Variants in SPTBN5 observed in about 807,000 individuals in gnomAD.
The protein encoded by SPTBN5 is spectrin beta, non-erythrocytic 5, also known as spectrin beta chain, non-erythrocytic 5.
A neutral mutation model predicts 477.6 loss-of-function variants in SPTBN5; 513 were observed. The observed-to-expected ratio is 1.07, with a 90% CI of 1.00 to 1.16. The LOEUF (loss-of-function observed/expected upper bound fraction) is 1.16, where lower values mean the gene tolerates loss of function less well. Among genes scored for constraint, SPTBN5 ranks in the 50% most tolerant of loss-of-function variants. The pLI is 0.00. For missense variants in SPTBN5, 5,062 were observed against 4,731.8 expected, an observed-to-expected ratio of 1.07 and a Z score of -2.05; for synonymous variants, 2,169 against 2,011.7, an observed-to-expected ratio of 1.08 and a Z score of -2.09.
intron 67 of SPTBN5, among the ~76,000 whole-genome samples, chr15:41,849,049 T>G (rs1017392904): frequency 6.6e-6 from 1 of 152,216 alleles, no homozygotes; most frequent in African/African-American, 2.4e-5. Context: ...CCTCATGGTA[T>G]GAGCCCTCCA....
At chr15:41,872,979 T>G (rs562136293) in intron 26 of SPTBN5, among the ~76,000 whole-genome samples, 1 of 152,310 alleles carries the variant, frequency 6.6e-6, no homozygotes, top group Non-Finnish European at 1.5e-5. Flanking sequence ...TGCCGTGGGC[T>G]CCAGGCTTTG....
chr15:41,887,806 C>T (rs909642178), intron 5 of SPTBN5, 122 bp downstream of exon 5: 10 of 1,036,408 alleles, frequency 9.6e-6, no homozygotes, highest in African/African-American at 1.6e-5. Context: ...GCCCTTTCTA[C>T]ATCTGTGTCC....
rs1417635768 is a variant in SPTBN5 at position 41,866,499 on chromosome 15, G to C, written c.6481-6C>G. 1.3e-6 allele frequency: 2 copies of C among 1,554,246 alleles called. No homozygotes were observed. Among genetic ancestry groups the C allele is most frequent in the Middle Eastern group, 1.7e-4 (1 of 5,796 alleles). ...GCCTGGATCCAGTCCTCAGCCTGGT[G>C]GGGGTGGGACATGAATGCTGCAATG... On this transcript the variant is annotated splice_region_variant and splice_polypyrimidine_tract_variant and intron_variant, in intron 36 of 67. Transcript: ENST00000320955.
intron 17 of SPTBN5, among the ~76,000 whole-genome samples, chr15:41,878,018 C>T (rs946079102): frequency 5.3e-5 from 8 of 152,130 alleles, no homozygotes; most frequent in Non-Finnish European, 8.8e-5. Context: ...GTTACCAGGA[C>T]GGCAGGGGGG....
intron 39 of SPTBN5, among the ~76,000 whole-genome samples, chr15:41,864,806 T>C (rs1595464941): frequency 6.6e-6 from 1 of 152,264 alleles, no homozygotes; most frequent in South Asian, 2.1e-4. Context: ...CACCGCAGGG[T>C]GTGATTGCAG....
Position 41,852,297 on chromosome 15 carries a change from A to G in SPTBN5, c.10469T>C (p.Leu3490Pro), listed in dbSNP as rs2065790604. The G allele has an allele frequency of 6.3e-7, 1 of 1,594,238 alleles. No individual in the cohort carries two copies. Among genetic ancestry groups the G allele is most frequent in the African/African-American group, 1.3e-5 (1 of 74,656 alleles). ...QKTEMEQELL[L>P]QPQELKPGRA... The stretch of plus-strand genomic sequence containing the variant: ...CCCGGGCTTCAGCTCCTGTGGCTGC[A>G]GCAGGAGCTCCTGTTCCATCTTGGG... Residue 3490 changes from leucine (L) to proline (P), a missense_variant, in exon 62 of 68, where the codon CTG (leucine) becomes CCG (proline). By Grantham distance (98) the Leu-to-Pro change is moderately conservative. Coordinates refer to ENST00000320955, the MANE Select transcript of SPTBN5 (RefSeq NM_016642.4).
rs373991113 is a variant in SPTBN5, at chr15:41,877,275, C to T, written c.3552G>A (p.Arg1184=). ...GCTCCTGGCCCTGCTGCCCCAGGAC[C>T]CTCAGAGTGTTGGGCACCTCTTGGG... ...PDSQEVPNTL[R]VLGQQGQELK... is the part of the protein sequence containing the mutation. Residue 1184 remains arginine (R), a synonymous_variant, in exon 18 of 68, where the codon AGG becomes AGA. Coordinates refer to ENST00000320955, the MANE Select transcript of SPTBN5 (RefSeq NM_016642.4). The T allele has an allele frequency of 9.3e-6, 15 of 1,613,706 alleles. No individual in the cohort carries two copies. The highest frequency in any genetic ancestry group is 1.3e-5 in the Non-Finnish European group (15 of 1,179,852).
In SPTBN5 at chr15:41,879,381, G is replaced by A. The variant is rs777240533; in HGVS notation, c.3061C>T (p.Leu1021Phe). 1.9e-6 allele frequency: 3 copies of A among 1,610,674 alleles called. No homozygotes were observed. The highest frequency in any genetic ancestry group is 1.1e-5 in the South Asian group (1 of 91,054). ...PTQVQLRDVL[L>F]QLEALQPGSS... ...CCTGGCTGCAGGGCCTCCAGCTGGA[G>A]GAGCACGTCTCGCAGCTGGACCTGT... The change falls in exon 16 of 68, where the codon CTC (leucine) becomes TTC (phenylalanine). Residue 1021 changes from leucine to phenylalanine, a missense_variant. Physicochemically the swap from Leu to Phe is conservative, Grantham distance 22. Transcript: ENST00000320955.
Position 41,875,038 on chromosome 15 carries a change from C to G in SPTBN5, c.4306G>C (p.Glu1436Gln), listed in dbSNP as rs2066678326. ...RQLQDAKEQL[E>Q]QLEGALQSSE... is the part of the protein sequence containing the mutation. The stretch of plus-strand genomic sequence containing the variant: ...CTCTGTAGGGCCCCTTCGAGCTGCT[C>G]CAGCTGCTCCTTTGCATCCTGGGAG... The change falls in exon 23 of 68, where the codon GAG becomes CAG. Residue 1436 changes from glutamate to glutamine, a missense_variant. Glu to Gln is a conservative substitution (Grantham distance 29). Transcript: ENST00000320955. 6.2e-7 allele frequency: 1 copy of G among 1,612,162 alleles called. No individual in the cohort carries two copies. Among genetic ancestry groups the G allele is most frequent in the African/African-American group, 1.3e-5 (1 of 75,036 alleles).
chr15:41,855,272 C>T lies in SPTBN5; in HGVS notation c.9375G>A (p.Ala3125=), dbSNP rs374155015. The part of the protein sequence containing the change: ...LLLDAWLTTK[A]ATAESQDYGQ... ...CGTAGTCCTGGGACTCGGCGGTGGC[C>T]GCCTTGGTGGTCAGCCAGGCGTCGA... The change falls in exon 55 of 68, where the codon GCG becomes GCA. Residue 3125 remains alanine (A), a synonymous_variant. Coordinates refer to ENST00000320955, the MANE Select transcript of SPTBN5 (RefSeq NM_016642.4). The T allele has an allele frequency of 2.5e-4, 410 of 1,612,490 alleles. 1 individual carries two copies. The highest frequency in any genetic ancestry group is 1.2e-3 in the East Asian group (54 of 44,854).
chr15:41,871,399 A>G lies in SPTBN5; in HGVS notation c.5423T>C (p.Val1808Ala), dbSNP rs779870247. The G allele has an allele frequency of 2.0e-6, 3 of 1,478,040 alleles. No individual in the cohort carries two copies. The highest frequency in any genetic ancestry group is 2.9e-5 in the African/African-American group (2 of 69,460). 91.6% of individuals were successfully genotyped at this position (1,478,040 alleles called of 1,614,324 possible). A position where few individuals can be genotyped will look rare whatever the true frequency, so the allele number is the denominator to read the frequency against. Reference protein sequence around the residue: ...LERGHSAGPMVRQRQQDLQTA... With the variant: ...LERGHSAGPMARQRQQDLQTA... ...CTGCAGATCCTGCTGCCTCTGACGG[A>G]CCATGGGGCCAGCACTGTGCCCACG... The change falls in exon 29 of 68, where the codon GTC becomes GCC. Residue 1808 changes from valine (V) to alanine (A), a missense_variant. Transcript: ENST00000320955.
At chr15:41,862,382 C>G (rs139730035) in intron 43 of SPTBN5, 90 bp from the exon 44 acceptor site, 2 of 1,524,092 alleles carry the variant, frequency 1.3e-6, no homozygotes, top group Non-Finnish European at 1.8e-6. Flanking sequence ...ATCCCCTCAA[C>G]CACAGGAGGG....
chr15:41,851,853 G>A lies in SPTBN5; in HGVS notation c.10585-3C>T. 6.2e-7 allele frequency: 1 copy of A among 1,608,078 alleles called. No individual in the cohort carries two copies. The highest frequency in any genetic ancestry group is 1.1e-5 in the South Asian group (1 of 90,654). On this transcript the variant is annotated splice_region_variant and splice_polypyrimidine_tract_variant and intron_variant, in intron 62 of 67. Coordinates refer to ENST00000320955, the MANE Select transcript of SPTBN5 (RefSeq NM_016642.4). ...ATGGTGGGGGTACCCTTTGCATCCT[G>A]AAAATGCAAGATGGGGCCCAGAAAT...
rs1427834525 is a variant in SPTBN5, at chr15:41,867,100, C to A, written c.6339G>T (p.Lys2113Asn). 6.5e-7 allele frequency: 1 copy of A among 1,541,176 alleles called. No homozygotes were observed. Among genetic ancestry groups the A allele is most frequent in the African/African-American group, 1.4e-5 (1 of 73,102 alleles). Residue 2113 changes from lysine (K) to asparagine (N), a missense_variant, in exon 36 of 68, where the codon AAG becomes AAT. Physicochemically the swap from Lys to Asn is moderately conservative, Grantham distance 94. Coordinates refer to ENST00000320955, the MANE Select transcript of SPTBN5 (RefSeq NM_016642.4). Reference sequence around the variant, plus strand: ...CCCGCACCCGGGGGCGCCGGAGCGTCTTCAGCCGCTCACGCAGGGCTGCCT... The same window carrying A: ...CCCGCACCCGGGGGCGCCGGAGCGTATTCAGCCGCTCACGCAGGGCTGCCT... The part of the protein sequence containing the change: ...KKEAALRERL[K>N]TLRRPRVRDR...
Position 41,875,571 on chromosome 15 carries a change from T to A in SPTBN5, c.4174A>T (p.Thr1392Ser). Residue 1392 changes from threonine (T) to serine (S), a missense_variant, in exon 22 of 68, where the codon ACC becomes TCC. Transcript: ENST00000320955. ...TTGCTTCTCAGGCCTTGAAGCCTGGTCTGTATGTCCTCCTGGCCACAGGGC... is the reference window on the plus strand; with the variant it reads ...TTGCTTCTCAGGCCTTGAAGCCTGGACTGTATGTCCTCCTGGCCACAGGGC... Reference protein sequence around the residue: ...RRPCGQEDIQTRLQGLRSKWE... With the variant: ...RRPCGQEDIQSRLQGLRSKWE... 1.2e-6 allele frequency: 2 copies of A among 1,607,690 alleles called. No homozygotes were observed. Among genetic ancestry groups the A allele is most frequent in the Non-Finnish European group, 1.7e-6 (2 of 1,177,174 alleles).
In SPTBN5 at chr15:41,862,282, G is replaced by A. The variant is rs780677841; in HGVS notation, c.7396C>T (p.Leu2466=). Reference sequence around the variant, plus strand: ...TTCTGAGCTTGGTGCAAGGCATCCAGCGCCTCCCTCCTGCCCACAGCGCTC... The same window carrying A: ...TTCTGAGCTTGGTGCAAGGCATCCAACGCCTCCCTCCTGCCCACAGCGCTC... The part of the protein sequence containing the change: ...RSRAQKRREA[L]DALHQAQKLQ... The change falls in exon 44 of 68, where the codon CTG becomes TTG. Residue 2466 remains leucine, a synonymous_variant. Coordinates refer to ENST00000320955, the MANE Select transcript of SPTBN5 (RefSeq NM_016642.4). 2.5e-6 allele frequency: 4 copies of A among 1,602,948 alleles called. No homozygotes were observed. The highest frequency in any genetic ancestry group is 3.4e-5 in the Admixed American group (2 of 59,296).
intron 67 of SPTBN5, among the ~76,000 whole-genome samples, chr15:41,849,546 G>T (rs770171809): frequency 6.6e-6 from 1 of 152,182 alleles, no homozygotes; most frequent in Non-Finnish European, 1.5e-5. Flanking sequence ...ACTGGGCAGA[G>T]GGAAACCTGG....
rs762544694 is a variant in SPTBN5, at chr15:41,868,472, G to A, written c.5983C>T (p.Arg1995Trp). 32 of 1,611,034 alleles carry A rather than the reference G, an allele frequency of 2.0e-5. No individual in the cohort carries two copies. Among genetic ancestry groups the A allele is most frequent in the South Asian group, 1.4e-4 (13 of 91,050 alleles). ...GTGGCCTGCTGCCACAGCTTCTCCC[G>A]GGCCTCCAGCTCCGCCCGGAGCCAC... is the stretch of plus-strand genomic sequence containing the variant. Reference protein sequence around the residue: ...HQWLRAELEAREKLWQQATQL... With the variant: ...HQWLRAELEAWEKLWQQATQL... Residue 1995 changes from arginine (R) to tryptophan (W), a missense_variant, in exon 33 of 68, where the codon CGG becomes TGG. Transcript: ENST00000320955.
chr15:41,871,762 G>C lies in SPTBN5; in HGVS notation c.5301+20C>G, dbSNP rs1436197232. On this transcript the variant is annotated intron_variant, in intron 28 of 67. Transcript: ENST00000320955. Reference sequence around the variant, plus strand: ...GGCTCTGCCTCAGGGCACCCTCCTTGACCCTGGCCCTCTTCTCACCAGGGC... The same window carrying C: ...GGCTCTGCCTCAGGGCACCCTCCTTCACCCTGGCCCTCTTCTCACCAGGGC... The C allele has an allele frequency of 4.5e-6, 7 of 1,546,596 alleles. No individual in the cohort carries two copies. The highest frequency in any genetic ancestry group is 6.1e-6 in the Non-Finnish European group (7 of 1,143,344).
Sources: allele counts gnomAD v4.1 joint callset (sites outside exome capture counted in the v4.1 genomes callset), GRCh38; gene constraint gnomAD v4.1.1; transcripts MANE v1.5; gene names NCBI Gene and HGNC (gene_info 2026-07-23, HGNC 2026-07-21).